LAMA1: variants seen among roughly 807,000 people sequenced by gnomAD.
LAMA1 encodes the protein laminin subunit alpha 1.
Under a neutral mutation model 348.7 loss-of-function variants are expected in LAMA1, and 219 were observed. That is an observed-to-expected ratio of 0.63 (90% CI 0.56 to 0.70). The LOEUF (loss-of-function observed/expected upper bound fraction) is 0.70, where lower values mean the gene tolerates loss of function less well. Among genes scored for constraint, LAMA1 ranks in the 30% least tolerant of loss-of-function variants. The pLI, the probability that LAMA1 is intolerant of heterozygous loss-of-function variation, is 0.00. For missense variants in LAMA1, 3,744 were observed against 3,888.0 expected (o/e 0.96, Z 0.99); for synonymous variants, 1,487 against 1,491.0 (o/e 1.00, Z 0.06).
At chr18:6,959,532 T>G (rs1183218636) in intron 53 of LAMA1, 40 bp from the exon 54 acceptor site, 3 of 1,609,532 alleles carry the variant, frequency 1.9e-6, no homozygotes, top group Non-Finnish European at 2.5e-6. Context: ...ACAAAACACA[T>G]TACTATATGA....
At position 7,032,914 on chromosome 18, in the gene LAMA1, T is replaced by C; in HGVS notation, c.2163+70A>G. ...TAAAAATCAAATGTTTGCCATGACA[T>C]CCCCTTCAGTGCACTGTTTTCCCCT... is the stretch of plus-strand genomic sequence containing the variant. On this transcript the variant is annotated intron_variant, in intron 15 of 62. Transcript: ENST00000389658. 4 of 1,132,566 alleles carry C rather than the reference T, an allele frequency of 3.5e-6. No individual in the cohort carries two copies. In the South Asian group the frequency reaches 3.9e-5, roughly 11 times the overall value. 70.2% of individuals were successfully genotyped at this position (1,132,566 alleles called of 1,614,324 possible). A position where few individuals can be genotyped will look rare whatever the true frequency, so the allele number is the denominator to read the frequency against.
Position 6,973,222 on chromosome 18 carries a change from GAATTGCAAAAGAAATTTT to G in LAMA1, c.6624-33_6624-16del. On this transcript the variant is annotated splice_polypyrimidine_tract_variant and intron_variant, in intron 46 of 62. Coordinates refer to ENST00000389658, the MANE Select transcript of LAMA1 (RefSeq NM_005559.4). ...TGTTTCCAAATCTAAGGGTTACAAAGAATTGCAAAAGAAATTTTCAGAATTTCCAGTCAGCGCACATAC... is the reference window on the plus strand; with the variant it reads ...TGTTTCCAAATCTAAGGGTTACAAAGCAGAATTTCCAGTCAGCGCACATAC... 1.2e-6 allele frequency: 2 copies of G among 1,613,532 alleles called. No homozygotes were observed.
At chr18:6,964,288 C>T (rs1304634173) in intron 51 of LAMA1, among the ~76,000 whole-genome samples, 1 of 152,150 alleles carries the variant, frequency 6.6e-6, no homozygotes, top group Non-Finnish European at 1.5e-5. Flanking sequence ...CTTGATCCTC[C>T]TTATGTGTGA....
intron 1 of LAMA1, among the ~76,000 whole-genome samples, chr18:7,108,330 C>T (rs549781086): frequency 6.6e-5 from 10 of 151,512 alleles, no homozygotes; most frequent in African/African-American, 9.7e-5. Context: ...GGCAACAGAG[C>T]GAGACTCTGT....
chr18:7,018,694 C>T (rs1034664474), intron 19 of LAMA1, among the ~76,000 whole-genome samples: 4 of 152,086 alleles, frequency 2.6e-5, no homozygotes, highest in African/African-American at 9.7e-5. Flanking sequence ...CGCGCCGGGC[C>T]CCCAGGCACT....
chr18:7,029,807 T>G (rs1191840188), intron 16 of LAMA1, among the ~76,000 whole-genome samples: 1 of 152,138 alleles, frequency 6.6e-6, no homozygotes, highest in African/African-American at 2.4e-5. Context: ...AATAAAGAGC[T>G]AAGAGAGCTC....
chr18:7,039,667 C>T (rs1026545559), intron 10 of LAMA1, among the ~76,000 whole-genome samples: 1 of 152,172 alleles, frequency 6.6e-6, no homozygotes, highest in Non-Finnish European at 1.5e-5. Context: ...CAAATGGATA[C>T]AGCTCTGTTC....
chr18:7,112,238 A>G (rs548097599), intron 1 of LAMA1, among the ~76,000 whole-genome samples: 2 of 152,302 alleles, frequency 1.3e-5, no homozygotes, highest in Non-Finnish European at 2.9e-5. Context: ...TTGGAAGGAC[A>G]AGTTGCAAGG....
intron 44 of LAMA1, among the ~76,000 whole-genome samples, chr18:6,976,296 T>A (rs539806768): frequency 6.6e-6 from 1 of 152,344 alleles, no homozygotes; most frequent in Non-Finnish European, 1.5e-5. Context: ...TGTTAGTTTT[T>A]AATAAGTTAT....
Position 7,031,237 on chromosome 18 carries a change from C to T in LAMA1, c.2274+829G>A, listed in dbSNP as rs78721106. On this transcript the variant is annotated intron_variant, in intron 16 of 62. Transcript: ENST00000389658. ...CCAGGGTACAGCTGATCAGCATATG[C>T]AGTCACTCCACCTCTGAGGATCAAA... is the stretch of plus-strand genomic sequence containing the variant. Among the ~76,000 whole-genome samples the T allele has an allele frequency of 8.1e-3, 1,231 of 152,198 alleles. 8 individuals carry two copies. The highest frequency in any genetic ancestry group is 0.013 in the Non-Finnish European group (909 of 68,024).
At chr18:7,070,016 G>A (rs866104213) in intron 3 of LAMA1, among the ~76,000 whole-genome samples, 32 of 152,234 alleles carry the variant, frequency 2.1e-4, no homozygotes, top group Admixed American at 8.5e-4. Context: ...CTATGCATGA[G>A]AAAATAAAAC....
chr18:7,047,649 C>G (rs963355647), intron 5 of LAMA1, among the ~76,000 whole-genome samples: 22 of 152,050 alleles, frequency 1.4e-4, no homozygotes, highest in African/African-American at 5.3e-4. Context: ...TACTGTAAAG[C>G]TACAGTAACC....
chr18:6,966,162 C>T lies in LAMA1; in HGVS notation c.7035G>A (p.Leu2345=). 6.2e-7 allele frequency: 1 copy of T among 1,614,120 alleles called. No homozygotes were observed. Among genetic ancestry groups the T allele is most frequent in the Non-Finnish European group, 8.5e-7 (1 of 1,180,010 alleles). Residue 2345 remains leucine (L), a synonymous_variant, in exon 49 of 63, where the codon CTG becomes CTA. Coordinates refer to ENST00000389658, the MANE Select transcript of LAMA1 (RefSeq NM_005559.4). The part of the protein sequence containing the change: ...TFSPNGLLLY[L]GSYGTKDFLS... ...ACACTCTTACTGTGCCGTATGAACC[C>T]AGGTAGAGAAGAAGTCCATTAGGTG...
At chr18:7,076,243 G>T (rs2058167882) in intron 3 of LAMA1, among the ~76,000 whole-genome samples, 2 of 152,130 alleles carry the variant, frequency 1.3e-5, no homozygotes, top group African/African-American at 4.8e-5. Flanking sequence ...AGAAACAATG[G>T]GGATATGGGA....
chr18:6,975,908 G>A, intron 45 of LAMA1, 29 bp downstream of exon 45: 1 of 1,613,618 alleles, frequency 6.2e-7, no homozygotes, highest in Non-Finnish European at 8.5e-7. Flanking sequence ...AAAAGATTCA[G>A]TGTCGCTTTC....
At chr18:6,997,401 T>G (rs2057786704) in intron 33 of LAMA1, among the ~76,000 whole-genome samples, 1 of 152,198 alleles carries the variant, frequency 6.6e-6, no homozygotes, top group South Asian at 2.1e-4. Flanking sequence ...GGCAGCTGTT[T>G]GCAAATACCC....
intron 30 of LAMA1, among the ~76,000 whole-genome samples, chr18:7,002,016 A>C (rs2057809757): frequency 6.6e-6 from 1 of 152,234 alleles, no homozygotes. Flanking sequence ...AGTCTTAAAA[A>C]ACAAAACCTA....
chr18:6,956,512 C>T (rs768260073), intron 56 of LAMA1, 124 bp downstream of exon 56: 8 of 851,204 alleles, frequency 9.4e-6, no homozygotes, highest in Admixed American at 7.9e-5. Context: ...AGCACAGCTC[C>T]AGCTCCAGCT....
At chr18:6,994,684 C>T (rs1455473785) in intron 34 of LAMA1, among the ~76,000 whole-genome samples, 1 of 138,940 alleles carries the variant, frequency 7.2e-6, no homozygotes, top group African/African-American at 2.6e-5. Context: ...CACACACACA[C>T]ACACACACAC....
Sources: gnomAD v4.1 joint callset for allele counts (sites outside exome capture counted in the v4.1 genomes callset) on GRCh38, gnomAD v4.1.1 for gene constraint, MANE v1.5 for transcripts, NCBI Gene and HGNC (gene_info 2026-07-23, HGNC 2026-07-21) for gene names.